The following SLC38A1 variants were observed in gnomAD, a reference collection of about 807,000 sequenced individuals.
SLC38A1 encodes solute carrier family 38 member 1, also known as sodium-coupled neutral amino acid symporter 1.
Under a neutral mutation model 60.3 loss-of-function variants are expected in SLC38A1, and 18 were observed. That is an observed-to-expected ratio of 0.30 (90% CI 0.21 to 0.44). SLC38A1 has a LOEUF of 0.44. SLC38A1 is among the 20% of genes least tolerant of loss of function. The pLI is 1.00. For synonymous variants in SLC38A1, 196 were observed against 212.1 expected, an observed-to-expected ratio of 0.92 and a Z score of 0.66; for missense variants, 448 against 587.2, an observed-to-expected ratio of 0.76 and a Z score of 2.45.
intron 16 of SLC38A1, chr12:46,196,297 A>G (rs2136941625): frequency 6.5e-7 from 1 of 1,535,048 alleles, no homozygotes; most frequent in South Asian, 1.2e-5. Context: ...AGAGGAGCAA[A>G]TTGGGGGTTG....
intron 2 of SLC38A1, among the ~76,000 whole-genome samples, chr12:46,240,430 A>G (rs1941407482): frequency 6.6e-6 from 1 of 152,210 alleles, no homozygotes; most frequent in Admixed American, 6.5e-5. Flanking sequence ...TACTGACCTC[A>G]GGTGATCCGC....
Position 46,198,036 on chromosome 12 carries a change from C to G in SLC38A1, c.1147G>C (p.Ala383Pro). Residue 383 changes from alanine to proline, a missense_variant, in exon 15 of 17, where the codon GCT becomes CCT. By Grantham distance (27) the Ala-to-Pro change is conservative (BLOSUM62 -1). This residue lies in a region of SLC38A1 where 346 missense variants were observed against 497.5 expected (regional missense o/e 0.70). Coordinates refer to ENST00000398637, the MANE Select transcript of SLC38A1 (RefSeq NM_030674.4). ...FTVRSSLFEL[A>P]KKTKFNLCRH... is the part of the protein sequence containing the mutation. ...CATAAATTAAACTTTGTTTTCTTAGCCAGTTCAAATAAAGATGAACGAACC... is the reference window on the plus strand; with the variant it reads ...CATAAATTAAACTTTGTTTTCTTAGGCAGTTCAAATAAAGATGAACGAACC... 6.2e-7 allele frequency: 1 copy of G among 1,613,828 alleles called. No homozygotes were observed. The highest frequency in any genetic ancestry group is 1.1e-5 in the South Asian group (1 of 91,076).
In SLC38A1 at chr12:46,184,040, C is replaced by T. The variant is rs936590962; in HGVS notation, c.*4930G>A. 1 of 152,572 alleles carries T rather than the reference C, an allele frequency of 6.6e-6. No individual in the cohort carries two copies. Among genetic ancestry groups the T allele is most frequent in the Non-Finnish European group, 1.5e-5 (1 of 68,024 alleles). The allele number at this position is 152,572 out of a possible 1,614,324, so 9.5% of individuals were successfully genotyped here. A position where few individuals can be genotyped will look rare whatever the true frequency, so the allele number is the denominator to read the frequency against. ...CAAATGAAGTATTTCCTGCAATAAG[C>T]CTCAGCTGCATAGATTCTTCCTTTA... On this transcript the variant is annotated 3_prime_UTR_variant, in exon 17 of 17. Transcript: ENST00000398637.
intron 5 of SLC38A1, among the ~76,000 whole-genome samples, chr12:46,211,389 C>T (rs1454442855): frequency 3.3e-5 from 5 of 151,894 alleles, no homozygotes; most frequent in African/African-American, 1.2e-4. Flanking sequence ...ATCTATGTGC[C>T]TAGCAGGAGG....
chr12:46,223,929 A>G (rs1343929254), intron 5 of SLC38A1, among the ~76,000 whole-genome samples: 1 of 152,246 alleles, frequency 6.6e-6, no homozygotes, highest in Non-Finnish European at 1.5e-5. Flanking sequence ...ACCTAGTACT[A>G]TGAGATGTGT....
In SLC38A1 at chr12:46,263,005, G is replaced by C. The variant is rs180785385; in HGVS notation, c.-209+5521C>G. 5.3e-5 allele frequency among the ~76,000 whole-genome samples: 8 copies of C among 152,268 alleles called. No individual in the cohort carries two copies. The East Asian group carries it at 1.5e-3, about 29-fold the overall frequency. ...CTTAATGAATCACTTCCAAAGATAA[G>C]AAGGTGGACTTGTAGACAAATCTCT... On this transcript the variant is annotated intron_variant, in intron 1 of 16. Transcript: ENST00000398637.
intron 6 of SLC38A1, among the ~76,000 whole-genome samples, chr12:46,208,406 G>A (rs1196978210): frequency 6.6e-6 from 1 of 152,170 alleles, no homozygotes; most frequent in East Asian, 1.9e-4. Flanking sequence ...TCTCTCATAA[G>A]ACTGGTGTTT....
intron 16 of SLC38A1, among the ~76,000 whole-genome samples, chr12:46,191,590 C>G (rs924320130): frequency 1.3e-5 from 2 of 152,052 alleles, no homozygotes; most frequent in Admixed American, 6.6e-5. Context: ...CCATTTGTTT[C>G]TGTCCTCTTT....
chr12:46,196,234 A>G, intron 16 of SLC38A1: 1 of 1,536,062 alleles, frequency 6.5e-7, no homozygotes, highest in South Asian at 1.2e-5. Context: ...ATGCATTCTG[A>G]GAGCCAACAG....
At position 46,234,446 on chromosome 12, in the gene SLC38A1, C is replaced by CTTT. The variant is rs397791217; in HGVS notation, c.123-4810_123-4808dup. Among the ~76,000 whole-genome samples, 128 of 140,708 alleles carry CTTT rather than the reference C, an allele frequency of 9.1e-4. 3 individuals are homozygous for CTTT. The highest frequency in any genetic ancestry group is 2.0e-3 in the African/African-American group (73 of 37,410). The allele number at this position is 140,708 out of a possible 152,430, so 92.3% of individuals were successfully genotyped here. On this transcript the variant is annotated intron_variant, in intron 3 of 16. Coordinates refer to ENST00000398637, the MANE Select transcript of SLC38A1 (RefSeq NM_030674.4). ...TTTGTATTTCTTTTTTTCTTTCTTT[C>CTTT]TTTTTTTTTTTTTTTTGTTGAGACG...
chr12:46,204,103 T>C (rs1939782570), intron 11 of SLC38A1, among the ~76,000 whole-genome samples, 198 bp downstream of exon 11: 1 of 152,204 alleles, frequency 6.6e-6, no homozygotes, highest in Non-Finnish European at 1.5e-5. Context: ...CAGAGAATGC[T>C]TAATGGTAAG....
At chr12:46,234,609 G>A (rs1053012331) in intron 3 of SLC38A1, among the ~76,000 whole-genome samples, 4 of 151,858 alleles carry the variant, frequency 2.6e-5, no homozygotes, top group East Asian at 1.9e-4. Flanking sequence ...CACCGTACCC[G>A]GCTAATTTTT....
chr12:46,208,445 T>C (rs74485575), intron 6 of SLC38A1, among the ~76,000 whole-genome samples: 346 of 152,370 alleles, frequency 2.3e-3, no homozygotes, highest in African/African-American at 8.0e-3. Flanking sequence ...CTCCTCAATT[T>C]ATTATAAAAT....
chr12:46,236,118 T>G (rs1200831075), intron 3 of SLC38A1, among the ~76,000 whole-genome samples: 3 of 152,218 alleles, frequency 2.0e-5, no homozygotes, highest in Admixed American at 2.0e-4. Flanking sequence ...ATGAATTTCC[T>G]CATTTATTTT....
At chr12:46,230,136 C>T (rs1171856730) in intron 3 of SLC38A1, among the ~76,000 whole-genome samples, 1 of 152,166 alleles carries the variant, frequency 6.6e-6, no homozygotes, top group African/African-American at 2.4e-5. Context: ...TTCTTTTGAG[C>T]TCAGGTTCTT....
chr12:46,247,149 G>A (rs772486689), intron 1 of SLC38A1, among the ~76,000 whole-genome samples: 5 of 152,138 alleles, frequency 3.3e-5, no homozygotes, highest in Non-Finnish European at 5.9e-5. Context: ...GCTACTCCTC[G>A]CCAGCAATGG....
intron 8 of SLC38A1, among the ~76,000 whole-genome samples, chr12:46,206,381 T>G (rs963797858): frequency 2.1e-4 from 20 of 93,934 alleles, no homozygotes; most frequent in South Asian, 3.0e-4. Flanking sequence ...GGAATATTGG[T>G]TTTTTTTTTT....
chr12:46,263,484 G>GT (rs1296853733), intron 1 of SLC38A1, among the ~76,000 whole-genome samples: 2 of 152,074 alleles, frequency 1.3e-5, no homozygotes, highest in Admixed American at 6.5e-5. Flanking sequence ...AAAAGAAAGC[G>GT]TAAGTCACAT....
chr12:46,246,913 A>T (rs567182598), intron 1 of SLC38A1, among the ~76,000 whole-genome samples: 3 of 152,248 alleles, frequency 2.0e-5, no homozygotes, highest in Non-Finnish European at 4.4e-5. Flanking sequence ...ACCTCCAGCA[A>T]ATTCCAACAG....
Sources: gnomAD v4.1 joint callset for allele counts (sites outside exome capture counted in the v4.1 genomes callset) on GRCh38, gnomAD v4.1.1 for gene constraint, gnomAD v4.1.1 regional missense constraint, MANE v1.5 for transcripts, NCBI Gene and HGNC (gene_info 2026-07-23, HGNC 2026-07-21) for gene names.